SOX5: variants seen among roughly 807,000 people sequenced by gnomAD.
SOX5 encodes the protein transcription factor SOX-5.
Under a neutral mutation model 92.0 loss-of-function variants are expected in SOX5, and 9 were observed. The ratio of observed to expected loss-of-function variants is 0.10; its 90% CI spans 0.06 to 0.17. The LOEUF (loss-of-function observed/expected upper bound fraction) is 0.17. Ranked by LOEUF, SOX5 falls within the 10% of genes least tolerant of loss-of-function variation. The probability of loss-of-function intolerance (pLI) is 1.00; values close to 1 mark genes in which losing one functional copy is unlikely to be tolerated. For synonymous variants in SOX5, 344 were observed against 336.3 expected (o/e 1.02, Z -0.25); for missense variants, 642 against 944.5 (o/e 0.68, Z 4.20).
At chr12:24,215,102 C>T (rs1959061815) in intron 3 of SOX5, among the ~76,000 whole-genome samples, 1 of 152,086 alleles carries the variant, frequency 6.6e-6, no homozygotes, top group African/African-American at 2.4e-5. Flanking sequence ...TAGAAGGAAA[C>T]TTCCTCAACC....
intron 3 of SOX5, among the ~76,000 whole-genome samples, chr12:24,219,194 T>C (rs1321762248): frequency 6.6e-6 from 1 of 152,048 alleles, no homozygotes; most frequent in African/African-American, 2.4e-5. Flanking sequence ...GGATGATTAA[T>C]AGGGTTCAAA....
chr12:23,794,011 C>T (rs2095520355), intron 3 of SOX5, among the ~76,000 whole-genome samples: 1 of 152,098 alleles, frequency 6.6e-6, no homozygotes. Flanking sequence ...GATAAACCTA[C>T]AAAGATGTAT....
chr12:24,527,191 A>G (rs888312491), intron 1 of SOX5, among the ~76,000 whole-genome samples: 1 of 152,200 alleles, frequency 6.6e-6, no homozygotes, highest in African/African-American at 2.4e-5. Context: ...CCCAATGCCT[A>G]TGAGTACCTA....
chr12:23,854,814 G>A (rs2096669249), intron 2 of SOX5, among the ~76,000 whole-genome samples: 1 of 151,996 alleles, frequency 6.6e-6, no homozygotes, highest in Admixed American at 6.6e-5. Context: ...TTTCTCATCT[G>A]CAAAATGGGG....
At chr12:23,676,591 A>C (rs549854587) in intron 6 of SOX5, among the ~76,000 whole-genome samples, 2 of 152,332 alleles carry the variant, frequency 1.3e-5, no homozygotes, top group East Asian at 1.9e-4. Flanking sequence ...AAGCTAGGGC[A>C]GAAGAAAAGG....
chr12:23,602,205 T>C (rs1051183288), intron 9 of SOX5, among the ~76,000 whole-genome samples: 5 of 152,160 alleles, frequency 3.3e-5, no homozygotes, highest in Admixed American at 2.6e-4. Context: ...AACAGAGGTA[T>C]ATAACACCAC....
Position 24,117,254 on chromosome 12 carries a change from A to G in SOX5, c.-2+96089T>C, listed in dbSNP as rs564755368. ...CATCAGGGAAATGTAAATTAAAACC[A>G]TGTTGAGATATCACCTCACACCTGT... On this transcript the variant is annotated intron_variant, in intron 4 of 4. Transcript: ENST00000446891. 2.6e-5 allele frequency among the ~76,000 whole-genome samples: 4 copies of G among 152,328 alleles called. No homozygotes were observed. In the East Asian group the frequency reaches 5.8e-4, roughly 22 times the overall value.
chr12:23,659,096 TA>T (rs1240426100), intron 7 of SOX5, among the ~76,000 whole-genome samples: 14 of 152,144 alleles, frequency 9.2e-5, no homozygotes, highest in East Asian at 7.7e-4. Context: ...TCATCACCAA[TA>T]ACCTGTATGT....
intron 4 of SOX5, among the ~76,000 whole-genome samples, chr12:24,081,916 G>A (rs554470521): frequency 1.3e-5 from 2 of 151,990 alleles, no homozygotes; most frequent in South Asian, 4.2e-4. Context: ...ACCATTTATG[G>A]TCACCATATT....
At chr12:23,799,363 A>C (rs950029409) in intron 3 of SOX5, among the ~76,000 whole-genome samples, 3 of 152,060 alleles carry the variant, frequency 2.0e-5, no homozygotes, top group Admixed American at 6.6e-5. Flanking sequence ...ATTATCTTAA[A>C]ATGATAATGA....
At chr12:24,188,090 A>T (rs1337321031) in intron 4 of SOX5, among the ~76,000 whole-genome samples, 1 of 152,182 alleles carries the variant, frequency 6.6e-6, no homozygotes, top group Non-Finnish European at 1.5e-5. Flanking sequence ...TGGATTGCTT[A>T]CAGAGAATTA....
At chr12:24,325,084 A>G (rs987384040) in intron 2 of SOX5, among the ~76,000 whole-genome samples, 15 of 152,106 alleles carry the variant, frequency 9.9e-5, no homozygotes, top group African/African-American at 3.6e-4. Context: ...CAGACATATA[A>G]TTGTGTCACC....
chr12:23,873,216 G>A (rs2096893086), intron 2 of SOX5, among the ~76,000 whole-genome samples: 1 of 152,112 alleles, frequency 6.6e-6, no homozygotes, highest in African/African-American at 2.4e-5. Flanking sequence ...TGTAGGCTGG[G>A]CACCGTGGCT....
At position 24,441,536 on chromosome 12, in the gene SOX5, CAA is replaced by C. The variant is rs553391366; in HGVS notation, c.-250-72899_-250-72898del. On this transcript the variant is annotated intron_variant, in intron 1 of 4. Transcript: ENST00000446891. ...GCTTGCTTTTAGCACCTTTTACAAC[CAA>C]AGTGTTGATTTTTTTTCCCCTTTAT... is the stretch of plus-strand genomic sequence containing the variant. Among the ~76,000 whole-genome samples the C allele has an allele frequency of 2.6e-3, 396 of 152,268 alleles. 2 individuals carry two copies. The highest frequency in any genetic ancestry group is 9.1e-3 in the African/African-American group (378 of 41,554).
At chr12:23,939,079 T>C (rs564649141) in intron 1 of SOX5, among the ~76,000 whole-genome samples, 9 of 151,108 alleles carry the variant, frequency 6.0e-5, no homozygotes, top group Admixed American at 2.6e-4. Flanking sequence ...CTCATTTGCA[T>C]TGGGGGATAA....
At chr12:24,380,639 T>C (rs886316826) in intron 1 of SOX5, among the ~76,000 whole-genome samples, 1 of 152,136 alleles carries the variant, frequency 6.6e-6, no homozygotes, top group Admixed American at 6.5e-5. Context: ...CTCTAACTCA[T>C]AGAACCCAGA....
At chr12:23,915,456 G>A (rs1386272885) in intron 1 of SOX5, among the ~76,000 whole-genome samples, 4 of 151,928 alleles carry the variant, frequency 2.6e-5, no homozygotes, top group East Asian at 1.9e-4. Flanking sequence ...CTTAGAATTC[G>A]TGGTGTGAAG....
At chr12:23,717,323 T>C (rs2092563812) in intron 6 of SOX5, among the ~76,000 whole-genome samples, 1 of 152,194 alleles carries the variant, frequency 6.6e-6, no homozygotes, top group Admixed American at 6.5e-5. Flanking sequence ...GTTACACACA[T>C]TGCAATGAAT....
At chr12:24,008,865 G>A (rs1043238195) in intron 4 of SOX5, among the ~76,000 whole-genome samples, 1 of 152,056 alleles carries the variant, frequency 6.6e-6, no homozygotes, top group Non-Finnish European at 1.5e-5. Context: ...TGTTGGCCCT[G>A]TGACTACTTT....
Sources: gnomAD v4.1 joint callset for allele counts (sites outside exome capture counted in the v4.1 genomes callset) on GRCh38, gnomAD v4.1.1 for gene constraint, MANE v1.5 for transcripts, NCBI Gene and HGNC (gene_info 2026-07-23, HGNC 2026-07-21) for gene names.